The following G2E3 variants were observed in gnomAD, a reference collection of about 807,000 sequenced individuals.
The protein encoded by G2E3 is G2/M phase-specific E3 ubiquitin-protein ligase.
Under a neutral mutation model 92.8 loss-of-function variants are expected in G2E3, and 35 were observed. The observed-to-expected ratio is 0.38, with a 90% confidence interval of 0.29 to 0.50. The LOEUF (loss-of-function observed/expected upper bound fraction) is 0.50. Ranked by LOEUF, G2E3 falls within the 20% of genes least tolerant of loss-of-function variation. The pLI is 0.94. For missense variants in G2E3, 554 were observed against 823.8 expected, an observed-to-expected ratio of 0.67 and a Z score of 4.01; for synonymous variants, 242 against 272.4, an observed-to-expected ratio of 0.89 and a Z score of 1.10.
chr14:30,601,394 T>G (rs1337606597), intron 8 of G2E3, among the ~76,000 whole-genome samples: 1 of 152,214 alleles, frequency 6.6e-6, no homozygotes, highest in Non-Finnish European at 1.5e-5. Context: ...ACCTTGAAAT[T>G]TACTGAATGT....
intron 4 of G2E3, chr14:30,590,513 T>G: frequency 2.7e-6 from 1 of 368,972 alleles, no homozygotes. Context: ...CCCCTGTCCA[T>G]GTCCCACCCC....
In G2E3 at chr14:30,593,471, T is replaced by C; in HGVS notation, c.363-3T>C. On this transcript the variant is annotated splice_region_variant and splice_polypyrimidine_tract_variant and intron_variant, in intron 5 of 14. Coordinates refer to ENST00000206595, the MANE Select transcript of G2E3 (RefSeq NM_017769.5). ...ATTTTTTTAAAATAATTTACATTTT[T>C]AGGTCATTTTGTTGGGACCATCGAC... 1.4e-6 allele frequency: 2 copies of C among 1,431,380 alleles called. No homozygotes were observed. Among genetic ancestry groups the C allele is most frequent in the Non-Finnish European group, 1.9e-6 (2 of 1,043,170 alleles). 88.7% of individuals were successfully genotyped at this position (1,431,380 alleles called of 1,614,324 possible). A position where few individuals can be genotyped will look rare whatever the true frequency, so the allele number is the denominator to read the frequency against.
intron 1 of G2E3, among the ~76,000 whole-genome samples, chr14:30,579,425 AG>A (rs1313412249): frequency 7.2e-5 from 11 of 152,230 alleles, no homozygotes; most frequent in Non-Finnish European, 1.3e-4. Context: ...TTTTTAGGAA[AG>A]CACAGAAATA....
rs534210817 is a variant in G2E3 at position 30,607,756 on chromosome 14, C to T, written c.1319-132C>T. 7.6e-6 allele frequency: 4 copies of T among 526,982 alleles called. No individual in the cohort carries two copies. The South Asian group carries it at 8.7e-5, about 12-fold the overall frequency. The allele number at this position is 526,982 out of a possible 1,614,324, so 32.6% of individuals were successfully genotyped here. On this transcript the variant is annotated intron_variant, in intron 11 of 14. Coordinates refer to ENST00000206595, the MANE Select transcript of G2E3 (RefSeq NM_017769.5). ...ATATTTTAGGTAAGATCTATATTTT[C>T]TACATAATGATAGCTTCTAAGAATT...
chr14:30,591,922 G>A (rs978039370), intron 4 of G2E3, among the ~76,000 whole-genome samples: 1 of 151,926 alleles, frequency 6.6e-6, no homozygotes, highest in Non-Finnish European at 1.5e-5. Flanking sequence ...TTACAAATTG[G>A]TTTATAGTAT....
intron 4 of G2E3, chr14:30,591,111 C>G (rs1880986614): frequency 5.8e-6 from 1 of 172,192 alleles, no homozygotes; most frequent in African/African-American, 2.4e-5. Flanking sequence ...ACATCCGAAT[C>G]CTCTCCAAGT....
chr14:30,606,437 T>C lies in G2E3; in HGVS notation c.1318+625T>C, dbSNP rs571131770. ...TTCATTTCATTTGAATTTCCTACTA[T>C]ATTTTCTGTAAACATCCTAACCATT... On this transcript the variant is annotated intron_variant, in intron 11 of 14. Coordinates refer to ENST00000206595, the MANE Select transcript of G2E3 (RefSeq NM_017769.5). 9.7e-4 allele frequency among the ~76,000 whole-genome samples: 147 copies of C among 152,254 alleles called. 1 individual carries two copies. Among genetic ancestry groups the C allele is most frequent in the African/African-American group, 3.2e-3 (134 of 41,574 alleles).
At chr14:30,567,730 A>G (rs2138772675) in intron 1 of G2E3, among the ~76,000 whole-genome samples, 1 of 151,600 alleles carries the variant, frequency 6.6e-6, no homozygotes, top group African/African-American at 2.4e-5. Context: ...TAGTTGGGTC[A>G]TTGTTTTGGG....
chr14:30,616,371 T>C lies in G2E3; in HGVS notation c.1958T>C (p.Ile653Thr). The change falls in exon 15 of 15, where the codon ATT (isoleucine) becomes ACT (threonine). Residue 653 changes from isoleucine to threonine, a missense_variant. Around this residue, in one of 3 missense-constraint regions of G2E3, gnomAD observed 397 missense variants for 560.3 expected, o/e 0.71. Transcript: ENST00000206595. ...GCTGGATTTAAACCCACTCCTTCAA[T>C]TGAGTGTCTGCATGTGGATTTTCCT... The part of the protein sequence containing the change: ...PPAGFKPTPS[I>T]ECLHVDFPVG... 6.2e-7 allele frequency: 1 copy of C among 1,612,536 alleles called. No individual in the cohort carries two copies.
chr14:30,560,901 T>C (rs1879059277), intron 1 of G2E3: 1 of 675,598 alleles, frequency 1.5e-6, no homozygotes, highest in South Asian at 1.6e-5. Flanking sequence ...AAAGGCATTA[T>C]AATGTGTTGA....
At chr14:30,577,085 C>T (rs890084452) in intron 1 of G2E3, among the ~76,000 whole-genome samples, 10 of 151,814 alleles carry the variant, frequency 6.6e-5, no homozygotes, top group Non-Finnish European at 8.8e-5. Context: ...ATTAGCTAGG[C>T]GTGGTGGCGT....
At chr14:30,583,652 TTAAG>T (rs1423348719) in intron 2 of G2E3, among the ~76,000 whole-genome samples, 3 of 152,170 alleles carry the variant, frequency 2.0e-5, no homozygotes, top group African/African-American at 7.2e-5. Flanking sequence ...TTAGTAAATT[TTAAG>T]TATTCTCACC....
chr14:30,565,823 G>A (rs753861155), intron 1 of G2E3, among the ~76,000 whole-genome samples: 4 of 151,400 alleles, frequency 2.6e-5, no homozygotes, highest in African/African-American at 4.8e-5. Flanking sequence ...CACCACACCC[G>A]GCTAATTTTT....
At chr14:30,562,828 T>G (rs1302172176) in intron 1 of G2E3, among the ~76,000 whole-genome samples, 1 of 152,216 alleles carries the variant, frequency 6.6e-6, no homozygotes, top group Admixed American at 6.5e-5. Context: ...GTCTTTGATA[T>G]GCAGAAATAA....
chr14:30,589,644 A>G (rs891956469), intron 4 of G2E3, among the ~76,000 whole-genome samples, 160 bp downstream of exon 4: 1 of 152,012 alleles, frequency 6.6e-6, no homozygotes, highest in Admixed American at 6.6e-5. Flanking sequence ...GACAGTTTAT[A>G]TTTTTGCCCA....
chr14:30,576,037 C>A (rs752244691), intron 1 of G2E3, among the ~76,000 whole-genome samples: 1 of 151,960 alleles, frequency 6.6e-6, no homozygotes, highest in Non-Finnish European at 1.5e-5. Flanking sequence ...TCATGTGGAA[C>A]GAAAAAAGAG....
Position 30,584,936 on chromosome 14 carries a change from ATTC to A in G2E3, c.38-1775_38-1773del, listed in dbSNP as rs546032585. Among the ~76,000 whole-genome samples the A allele has an allele frequency of 3.6e-3, 546 of 150,660 alleles. 6 individuals carry two copies. Among genetic ancestry groups the A allele is most frequent in the African/African-American group, 0.013 (515 of 40,918 alleles). ...AACCTCCACCTCCCAGGTTCAAGCA[ATTC>A]TTCTTCCTCAGCCTCCCGAGTAGCT... On this transcript the variant is annotated intron_variant, in intron 2 of 14. Coordinates refer to ENST00000206595, the MANE Select transcript of G2E3 (RefSeq NM_017769.5).
intron 2 of G2E3, 106 bp from the exon 3 acceptor site, chr14:30,586,612 C>T: frequency 2.1e-6 from 1 of 478,380 alleles, no homozygotes; most frequent in Non-Finnish European, 3.7e-6. Flanking sequence ...ATATGATTTG[C>T]TCTCAGAAAG....
chr14:30,563,695 TTGTGTGTGTGTG>T lies in G2E3; in HGVS notation c.-5+4456_-5+4467del, dbSNP rs56029424. Among the ~76,000 whole-genome samples the T allele has an allele frequency of 6.3e-3, 893 of 141,294 alleles. 5 individuals are homozygous for T. Among genetic ancestry groups the T allele is most frequent in the African/African-American group, 0.014 (536 of 37,064 alleles). 92.7% of individuals were successfully genotyped at this position (141,294 alleles called of 152,430 possible). A position where few individuals can be genotyped will look rare whatever the true frequency, so the allele number is the denominator to read the frequency against. On this transcript the variant is annotated intron_variant, in intron 1 of 14. Coordinates refer to ENST00000206595, the MANE Select transcript of G2E3 (RefSeq NM_017769.5). ...ATGTAAACTTGTAACTTTGTTACTTTTGTGTGTGTGTGTGTGTGTGTGTGTGTGTGTGTGTGT... is the reference window on the plus strand; with the variant it reads ...ATGTAAACTTGTAACTTTGTTACTTTTGTGTGTGTGTGTGTGTGTGTGTGT...
Sources: gnomAD v4.1 joint callset for allele counts (sites outside exome capture counted in the v4.1 genomes callset) on GRCh38, gnomAD v4.1.1 for gene constraint, gnomAD v4.1.1 regional missense constraint, MANE v1.5 for transcripts, NCBI Gene and HGNC (gene_info 2026-07-23, HGNC 2026-07-21) for gene names.